FRMD7: variants seen among roughly 807,000 people sequenced by gnomAD.
FRMD7 encodes the protein FERM domain-containing protein 7.
Under a neutral mutation model 44.1 loss-of-function variants are expected in FRMD7, and 14 were observed. That is an observed-to-expected ratio of 0.32 (90% CI 0.21 to 0.50). The LOEUF (loss-of-function observed/expected upper bound fraction) is 0.50, where lower values mean the gene tolerates loss of function less well. Ranked by LOEUF, FRMD7 falls within the 20% of genes least tolerant of loss-of-function variation. The pLI is 0.99. For missense variants in FRMD7, 501 were observed against 522.3 expected (o/e 0.96, Z 0.40); for synonymous variants, 212 against 187.4 (o/e 1.13, Z -1.07).
chrX:132,092,007 C>T (rs1928190972), intron 5 of FRMD7, among the ~76,000 whole-genome samples: 1 of 112,241 alleles, frequency 8.9e-6, no homozygotes, highest in South Asian at 3.7e-4. Flanking sequence ...AATTTATTTA[C>T]TTATTTTGGT....
In FRMD7 at chrX:132,078,906, C is replaced by T. The variant is rs901917911; in HGVS notation, c.1111G>A (p.Ala371Thr). The T allele has an allele frequency of 9.1e-6, 11 of 1,204,061 alleles. No individual in the cohort carries two copies. Among genetic ancestry groups the T allele is most frequent in the East Asian group, 3.0e-5 (1 of 33,719 alleles). The part of the protein sequence containing the change: ...GYYQNVNGVH[A>T]SEPVLESRRR... ...CTACTCTCCAGCACTGGCTCAGATG[C>T]GTGCACTCCATTCACATTTTGGTAG... The change falls in exon 12 of 12, where the codon GCA becomes ACA. Residue 371 changes from alanine to threonine, a missense_variant. Transcript: ENST00000298542.
intron 7 of FRMD7, among the ~76,000 whole-genome samples, chrX:132,085,015 A>AATATATAACC (rs1371049507): frequency 9.0e-6 from 1 of 111,285 alleles, no homozygotes; most frequent in Non-Finnish European, 1.9e-5. Flanking sequence ...ATCTATATTG[A>AATATATAACC]ATATATAACC....
chrX:132,077,786 C>A lies in FRMD7; in HGVS notation c.*86G>T, dbSNP rs1927651376. 8.5e-7 allele frequency: 1 copy of A among 1,183,161 alleles called. No homozygotes were observed. Among genetic ancestry groups the A allele is most frequent in the Non-Finnish European group, 1.1e-6 (1 of 877,971 alleles). ...TTAATACCAATGAATATGTAGTAAC[C>A]AAGAAAATGGTTTCTACAACTTCAT... On this transcript the variant is annotated 3_prime_UTR_variant, in exon 12 of 12. Coordinates refer to ENST00000298542, the MANE Select transcript of FRMD7 (RefSeq NM_194277.3).
intron 1 of FRMD7, among the ~76,000 whole-genome samples, chrX:132,104,033 G>A (rs1381109037): frequency 3.6e-5 from 4 of 111,961 alleles, no homozygotes; most frequent in Non-Finnish European, 7.5e-5. Context: ...CTGAGCCTCA[G>A]TTTACTAATC....
rs1383433263 is a variant in FRMD7 at position 132,085,980 on chromosome X, C to T, written c.437G>A (p.Arg146Gln). ...ETDRKHLAQT[R>Q]YLPNQDCLEG... ...TAAACAGTCTTGGTTTGGTAAGTAC[C>T]GAGTTTGTGCCAGATGCTTCCTATC... is the stretch of plus-strand genomic sequence containing the variant. The change falls in exon 6 of 12, where the codon CGG becomes CAG. Residue 146 changes from arginine (R) to glutamine (Q), a missense_variant. By Grantham distance (43) the Arg-to-Gln change is conservative. This residue lies in a region of FRMD7 where 453 missense variants were observed against 452.7 expected (regional missense o/e 1.00). Coordinates refer to ENST00000298542, the MANE Select transcript of FRMD7 (RefSeq NM_194277.3). The T allele has an allele frequency of 2.5e-6, 3 of 1,204,506 alleles. No homozygotes were observed. Among genetic ancestry groups the T allele is most frequent in the African/African-American group, 3.5e-5 (2 of 56,978 alleles).
chrX:132,079,352 C>T (rs886473209), intron 11 of FRMD7, among the ~76,000 whole-genome samples: 1 of 111,582 alleles, frequency 9.0e-6, no homozygotes, highest in African/African-American at 3.3e-5. Flanking sequence ...AGCTTCCTCC[C>T]TATTTTCTGT....
At chrX:132,104,606 T>C (rs1008187457) in intron 1 of FRMD7, among the ~76,000 whole-genome samples, 7 of 111,530 alleles carry the variant, frequency 6.3e-5, no homozygotes, top group African/African-American at 2.3e-4. Flanking sequence ...GGCAGGAGAA[T>C]GGTGTGAACC....
At chrX:132,111,206 C>T (rs919062266) in intron 1 of FRMD7, among the ~76,000 whole-genome samples, 1 of 111,963 alleles carries the variant, frequency 8.9e-6, no homozygotes, top group East Asian at 2.8e-4. Flanking sequence ...AATTTAAGTC[C>T]AGCACCTGGC....
chrX:132,115,840 G>A (rs908206228), intron 1 of FRMD7, among the ~76,000 whole-genome samples: 2 of 110,912 alleles, frequency 1.8e-5, no homozygotes, highest in African/African-American at 6.6e-5. Flanking sequence ...ACAGGTTCAC[G>A]GTGGCTTCCA....
chrX:132,106,052 C>T (rs957939584), intron 1 of FRMD7, among the ~76,000 whole-genome samples: 1 of 111,966 alleles, frequency 8.9e-6, no homozygotes, highest in African/African-American at 3.2e-5. Context: ...ACAGAAGAAA[C>T]TATCAACAGA....
chrX:132,118,565 G>A (rs1025101699), intron 1 of FRMD7, among the ~76,000 whole-genome samples: 3 of 111,465 alleles, frequency 2.7e-5, no homozygotes, highest in Admixed American at 9.5e-5. Flanking sequence ...CTCCCAGTGC[G>A]CATGTGGGCA....
intron 1 of FRMD7, among the ~76,000 whole-genome samples, chrX:132,114,751 A>G (rs1199322610): frequency 2.7e-5 from 3 of 111,982 alleles, no homozygotes; most frequent in Non-Finnish European, 5.6e-5. Context: ...ACACTAAGGG[A>G]CCAGTTCTGC....
At chrX:132,084,951 C>T (rs1225943542) in intron 7 of FRMD7, among the ~76,000 whole-genome samples, 2 of 111,869 alleles carry the variant, frequency 1.8e-5, no homozygotes, top group Non-Finnish European at 3.8e-5. Flanking sequence ...AGCTCAAACA[C>T]CTTCAATAGC....
At chrX:132,086,855 G>C (rs1336489735) in intron 5 of FRMD7, among the ~76,000 whole-genome samples, 1 of 111,854 alleles carries the variant, frequency 8.9e-6, no homozygotes, top group Non-Finnish European at 1.9e-5. Flanking sequence ...AAATGCCAAC[G>C]ACATTGCAAG....
At chrX:132,101,728 T>G (rs1280458096) in intron 1 of FRMD7, among the ~76,000 whole-genome samples, 1 of 111,884 alleles carries the variant, frequency 8.9e-6, no homozygotes, top group African/African-American at 3.3e-5. Context: ...AGGCCACAAA[T>G]TTTTTTCTTC....
chrX:132,127,083 T>C (rs771573871), intron 1 of FRMD7, among the ~76,000 whole-genome samples: 1 of 112,557 alleles, frequency 8.9e-6, no homozygotes, highest in East Asian at 2.8e-4. Context: ...AATAAAAATG[T>C]AGAACTTTTC....
intron 5 of FRMD7, among the ~76,000 whole-genome samples, chrX:132,090,107 G>C (rs1928119407): frequency 8.9e-6 from 1 of 112,233 alleles, no homozygotes; most frequent in Non-Finnish European, 1.9e-5. Flanking sequence ...GCTGGGCGCA[G>C]TGGCTCACTC....
chrX:132,113,404 A>G (rs1324594387), intron 1 of FRMD7, among the ~76,000 whole-genome samples: 2 of 111,548 alleles, frequency 1.8e-5, no homozygotes, highest in Non-Finnish European at 3.8e-5. Flanking sequence ...TTAGATCCAG[A>G]GCAGGTAAGA....
At chrX:132,085,489 G>A in intron 7 of FRMD7, 92 bp downstream of exon 7, 2 of 759,237 alleles carry the variant, frequency 2.6e-6, no homozygotes, top group Middle Eastern at 3.1e-4. Flanking sequence ...AATACTGAGG[G>A]GTGAGATCAC....
Sources: allele counts gnomAD v4.1 joint callset (sites outside exome capture counted in the v4.1 genomes callset), GRCh38; gene constraint gnomAD v4.1.1; regional missense constraint gnomAD v4.1.1; transcripts MANE v1.5; gene names NCBI Gene and HGNC (gene_info 2026-07-23, HGNC 2026-07-21).